The following GCN1 variants were observed in gnomAD, a reference collection of about 807,000 sequenced individuals.
The protein encoded by GCN1 is GCN1 activator of EIF2AK4.
GCN1 carries 90 observed loss-of-function variants against 288.4 expected under a neutral mutation model. The observed-to-expected ratio is 0.31, with a 90% confidence interval of 0.26 to 0.37. GCN1 has a LOEUF of 0.37. Among genes scored for constraint, GCN1 ranks in the 10% least tolerant of loss-of-function variants. The pLI is 1.00. For synonymous variants in GCN1, 1,386 were observed against 1,420.2 expected, an observed-to-expected ratio of 0.98 and a Z score of 0.54; for missense variants, 2,586 against 3,419.9, an observed-to-expected ratio of 0.76 and a Z score of 6.08.
chr12:120,159,288 G>T (rs553901417), intron 24 of GCN1, among the ~76,000 whole-genome samples: 1 of 152,138 alleles, frequency 6.6e-6, no homozygotes, highest in Non-Finnish European at 1.5e-5. Context: ...TTTCCACTCA[G>T]AACAGTTCCC....
chr12:120,132,669 G>A (rs1057230436), intron 53 of GCN1, among the ~76,000 whole-genome samples: 20 of 152,330 alleles, frequency 1.3e-4, no homozygotes, highest in Admixed American at 2.6e-4. Context: ...GAGCGGCTCC[G>A]TGCTCCTCCC....
intron 2 of GCN1, among the ~76,000 whole-genome samples, chr12:120,188,565 T>TA (rs888467197): frequency 9.3e-5 from 14 of 151,180 alleles, no homozygotes; most frequent in Non-Finnish European, 1.5e-4. Flanking sequence ...TCCCAAGTCA[T>TA]AAAAAAAATG....
intron 53 of GCN1, among the ~76,000 whole-genome samples, chr12:120,132,542 C>T (rs1194420039): frequency 1.3e-5 from 2 of 152,008 alleles, no homozygotes; most frequent in African/African-American, 2.4e-5. Context: ...GCATGAGTGC[C>T]CCACTGCCAC....
At position 120,161,978 on chromosome 12, in the gene GCN1, G is replaced by A. The variant is rs905747996; in HGVS notation, c.2244C>T (p.Ala748=). ...VLPQLISTIT[A]SVQNPALRLV... ...GGCGCAGTGCAGGGTTCTGCACGGA[G>A]GCAGTGATGGTGCTGATGAGCTGTG... is the stretch of plus-strand genomic sequence containing the variant. The change falls in exon 21 of 58, where the codon GCC becomes GCT. Residue 748 remains alanine (A), a synonymous_variant. Coordinates refer to ENST00000300648, the MANE Select transcript of GCN1 (RefSeq NM_006836.2). The A allele has an allele frequency of 1.9e-6, 3 of 1,614,030 alleles. No homozygotes were observed. Among genetic ancestry groups the A allele is most frequent in the African/African-American group, 1.3e-5 (1 of 75,060 alleles).
chr12:120,177,866 T>A (rs2139133760), intron 7 of GCN1, 114 bp from the exon 8 acceptor site: 1 of 802,162 alleles, frequency 1.2e-6, no homozygotes, highest in Non-Finnish European at 2.2e-6. Context: ...TGCCCCAAAT[T>A]TCAGTGTTAA....
At chr12:120,154,456 G>A (rs1877673226) in intron 31 of GCN1, among the ~76,000 whole-genome samples, 1 of 152,230 alleles carries the variant, frequency 6.6e-6, no homozygotes, top group African/African-American at 2.4e-5. Context: ...ACCCTTGCGT[G>A]TTTTGAGCCT....
chr12:120,167,130 G>A (rs917402634), intron 16 of GCN1, among the ~76,000 whole-genome samples: 6 of 151,570 alleles, frequency 4.0e-5, no homozygotes, highest in South Asian at 4.2e-4. Flanking sequence ...ACCTGAGGTC[G>A]GGAGTTCGAG....
intron 2 of GCN1, among the ~76,000 whole-genome samples, chr12:120,186,504 CA>C (rs1463656529): frequency 2.6e-5 from 4 of 152,146 alleles, no homozygotes; most frequent in African/African-American, 9.7e-5. Context: ...CAGTGTAAGA[CA>C]GACTTATACT....
rs1184657725 is a variant in GCN1 at position 120,184,205 on chromosome 12, T to C, written c.224A>G (p.Gln75Arg). 5.0e-6 allele frequency: 8 copies of C among 1,613,560 alleles called. 1 individual carries two copies. Among genetic ancestry groups the C allele is most frequent in the South Asian group, 4.4e-5 (4 of 91,072 alleles). The change falls in exon 4 of 58, where the codon CAG (glutamine) becomes CGG (arginine). Residue 75 changes from glutamine to arginine, a missense_variant. Gln to Arg is a conservative substitution (Grantham distance 43). Around this residue, in one of 8 missense-constraint regions of GCN1, gnomAD observed 913 missense variants for 1,107.0 expected, o/e 0.82. Coordinates refer to ENST00000300648, the MANE Select transcript of GCN1 (RefSeq NM_006836.2). Reference protein sequence around the residue: ...ASRRALQAAIQQLAEAQPEAT... With the variant: ...ASRRALQAAIRQLAEAQPEAT... ...TTCTGGCTGGGCCTCAGCCAACTGC[T>C]GGATGGCTGCCTGCAAGGCCCTGCG...
Position 120,174,234 on chromosome 12 carries a change from T to A in GCN1, c.1094-65A>T, listed in dbSNP as rs151017439. The stretch of plus-strand genomic sequence containing the variant: ...GAACCACAGAGGCAAGTCTTCCCAC[T>A]GCTGCCACCTCCGCACTCTGGGTCA... On this transcript the variant is annotated intron_variant, in intron 12 of 57. Transcript: ENST00000300648. The A allele has an allele frequency of 6.2e-5, 55 of 887,946 alleles. No homozygotes were observed. In the Middle Eastern group the frequency reaches 6.4e-4, roughly 10 times the overall value. The allele number at this position is 887,946 out of a possible 1,614,324, so 55.0% of individuals were successfully genotyped here.
At chr12:120,132,647 A>T (rs966566358) in intron 53 of GCN1, among the ~76,000 whole-genome samples, 3 of 152,244 alleles carry the variant, frequency 2.0e-5, no homozygotes, top group African/African-American at 7.2e-5. Context: ...TTCAAATCAG[A>T]GCCAGGTACG....
chr12:120,165,207 T>A (rs1288290131), intron 16 of GCN1, among the ~76,000 whole-genome samples: 2 of 151,854 alleles, frequency 1.3e-5, no homozygotes, highest in African/African-American at 4.8e-5. Flanking sequence ...CTAATTTTTT[T>A]ATATTTTTTA....
At chr12:120,166,620 C>A (rs895874777) in intron 16 of GCN1, among the ~76,000 whole-genome samples, 12 of 149,874 alleles carry the variant, frequency 8.0e-5, no homozygotes, top group African/African-American at 2.5e-4. Context: ...AGGAGAATGG[C>A]GTGAACCCGG....
At chr12:120,190,260 T>G in intron 2 of GCN1, 38 bp downstream of exon 2, 1 of 957,570 alleles carries the variant, frequency 1.0e-6, no homozygotes, top group Admixed American at 2.2e-5. Flanking sequence ...AGAAAAACAA[T>G]GAATATTGTC....
chr12:120,188,161 T>A (rs565262422), intron 2 of GCN1, among the ~76,000 whole-genome samples: 57 of 152,318 alleles, frequency 3.7e-4, no homozygotes, highest in Admixed American at 1.3e-3. Flanking sequence ...AGGCTGGGCA[T>A]GGTGGCTGAC....
At position 120,158,558 on chromosome 12, in the gene GCN1, T is replaced by A. The variant is rs763650431; in HGVS notation, c.2807A>T (p.Lys936Met). The change falls in exon 25 of 58, where the codon AAG (lysine) becomes ATG (methionine). Residue 936 changes from lysine to methionine, a missense_variant. Lys to Met is a moderately conservative substitution (Grantham distance 95). Around this residue, in one of 8 missense-constraint regions of GCN1, gnomAD observed 153 missense variants for 252.0 expected, o/e 0.61. Transcript: ENST00000300648. The surrounding 1 kb of genome is among the most constrained non-coding windows in gnomAD (Gnocchi z 4.3). ...CGACAGCTCTTCCTGGCACCAGGAC[T>A]TATCCAGGACACACTCTGGCTTCAG... is the stretch of plus-strand genomic sequence containing the variant. ...RLLKPECVLD[K>M]SWCQEELSVA... The A allele has an allele frequency of 1.2e-6, 2 of 1,605,368 alleles. No homozygotes were observed. The highest frequency in any genetic ancestry group is 8.5e-7 in the Non-Finnish European group (1 of 1,175,804).
chr12:120,184,880 T>C lies in GCN1; in HGVS notation c.129A>G (p.Pro43=). The C allele has an allele frequency of 6.2e-7, 1 of 1,609,452 alleles. No homozygotes were observed. ...LGKCVAGKDL[P]EGAVKGLCKL... is the part of the protein sequence containing the mutation. Reference sequence around the variant, plus strand: ...TGCAGAGCCCCTTCACTGCTCCCTCTGGAAGATCTGAAACCAGAGATTACA... The same window carrying C: ...TGCAGAGCCCCTTCACTGCTCCCTCCGGAAGATCTGAAACCAGAGATTACA... The change falls in exon 3 of 58, where the codon CCA becomes CCG. Residue 43 remains proline (P), a synonymous_variant. Coordinates refer to ENST00000300648, the MANE Select transcript of GCN1 (RefSeq NM_006836.2).
At chr12:120,145,234 C>A (rs779866848) in intron 39 of GCN1, 28 bp downstream of exon 39, 5 of 1,573,678 alleles carry the variant, frequency 3.2e-6, no homozygotes, top group South Asian at 1.2e-5. Context: ...AGGGGCCTGG[C>A]CCATCCCCCA....
chr12:120,168,265 C>T lies in GCN1; in HGVS notation c.1555G>A (p.Asp519Asn), dbSNP rs765818845. 3 of 1,610,090 alleles carry T rather than the reference C, an allele frequency of 1.9e-6. No individual in the cohort carries two copies. Among genetic ancestry groups the T allele is most frequent in the Non-Finnish European group, 2.6e-6 (3 of 1,176,398 alleles). ...KLSSFWQLIV[D>N]EKKQVFTSEK... is the part of the protein sequence containing the mutation. ...GAAGTGAAAACCTGCTTTTTCTCAT[C>T]CACAATCAACTGCCAGAAACTGCTC... The change falls in exon 16 of 58, where the codon GAT becomes AAT. Residue 519 changes from aspartate (D) to asparagine (N), a missense_variant. Physicochemically the swap from Asp to Asn is conservative, Grantham distance 23. Transcript: ENST00000300648.
Sources: allele counts gnomAD v4.1 joint callset (sites outside exome capture counted in the v4.1 genomes callset), GRCh38; gene constraint gnomAD v4.1.1; regional missense constraint gnomAD v4.1.1; non-coding constraint Gnocchi (gnomAD v3.1); transcripts MANE v1.5; gene names NCBI Gene and HGNC (gene_info 2026-07-23, HGNC 2026-07-21).